The following VPS9D1 variants were observed in gnomAD, a reference collection of about 807,000 sequenced individuals.
VPS9D1 encodes VPS9 domain containing 1, also known as VPS9 domain-containing protein 1.
In VPS9D1, 78 loss-of-function variants were observed where a neutral mutation model predicts 75.8. The observed-to-expected ratio is 1.03, with a 90% CI of 0.86 to 1.24. The LOEUF (loss-of-function observed/expected upper bound fraction) is 1.24, where lower values mean the gene tolerates loss of function less well. Ranked by LOEUF, VPS9D1 falls within the 50% of genes most tolerant of loss-of-function variation. VPS9D1 has a pLI of 0.00. For synonymous variants in VPS9D1, 481 were observed against 385.6 expected (o/e 1.25, Z -2.90); for missense variants, 1,057 against 847.7 (o/e 1.25, Z -3.07).
intron 4 of VPS9D1, among the ~76,000 whole-genome samples, chr16:89,715,171 T>A (rs185302562): frequency 1.1e-3 from 174 of 152,268 alleles, no homozygotes; most frequent in African/African-American, 3.8e-3. Flanking sequence ...CAGTTTTGTA[T>A]GTATGGATTT....
chr16:89,711,475 C>T (rs1340162754), intron 8 of VPS9D1, 63 bp from the exon 9 acceptor site: 2 of 1,477,204 alleles, frequency 1.4e-6, no homozygotes, highest in Non-Finnish European at 1.8e-6. Context: ...CGCGCCTCAT[C>T]TCCCACCAGT....
chr16:89,711,532 C>G, intron 8 of VPS9D1, 120 bp from the exon 9 acceptor site: 1 of 1,015,808 alleles, frequency 9.8e-7, no homozygotes, highest in Admixed American at 2.8e-5. Context: ...TGCAGGAGAC[C>G]CAGCGCCAGC....
At chr16:89,709,694 T>G (rs1047114050) in intron 11 of VPS9D1, 83 bp downstream of exon 11, 1 of 1,594,538 alleles carries the variant, frequency 6.3e-7, no homozygotes, top group African/African-American at 1.3e-5. Context: ...GAGCAGACAG[T>G]GCCAGGGAGC....
Position 89,709,353 on chromosome 16 carries a change from G to A in VPS9D1, c.1471C>T (p.Pro491Ser). 6.3e-7 allele frequency: 1 copy of A among 1,584,362 alleles called. No homozygotes were observed. The highest frequency in any genetic ancestry group is 8.6e-7 in the Non-Finnish European group (1 of 1,168,292). The change falls in exon 12 of 15, where the codon CCC becomes TCC. Residue 491 changes from proline to serine, a missense_variant. Transcript: ENST00000389386. ...RNAPPTAIGIPTKLLPQNPEA... is the reference protein window; with the variant it reads ...RNAPPTAIGISTKLLPQNPEA... ...GGGTTCTGGGGGAGGAGCTTGGTGGGGATGCCAATGGCGGTGGGGGGTGCA... is the reference window on the plus strand; with the variant it reads ...GGGTTCTGGGGGAGGAGCTTGGTGGAGATGCCAATGGCGGTGGGGGGTGCA...
chr16:89,711,038 G>A lies in VPS9D1; in HGVS notation c.834-28C>T, dbSNP rs1003169667. The A allele has an allele frequency of 2.8e-6, 4 of 1,432,212 alleles. No homozygotes were observed. The South Asian group carries it at 4.4e-5, about 16-fold the overall frequency. The allele number at this position is 1,432,212 out of a possible 1,614,324, so 88.7% of individuals were successfully genotyped here. A position where few individuals can be genotyped will look rare whatever the true frequency, so the allele number is the denominator to read the frequency against. ...GCGGGAGAAGAGGACGTGAGAACGC[G>A]GCCAGCCTCGGCCTCTCCGTGGCAT... On this transcript the variant is annotated intron_variant, in intron 9 of 14. Coordinates refer to ENST00000389386, the MANE Select transcript of VPS9D1 (RefSeq NM_004913.3).
At chr16:89,720,328 G>A (rs1265370495) in intron 1 of VPS9D1, 32 of 850,852 alleles carry the variant, frequency 3.8e-5, no homozygotes, top group South Asian at 5.4e-5. Flanking sequence ...TTCCTAAGAC[G>A]ACTGCAAACA....
At chr16:89,708,711 G>T in intron 13 of VPS9D1, 146 bp downstream of exon 13, 6 of 1,110,344 alleles carry the variant, frequency 5.4e-6, no homozygotes, top group Non-Finnish European at 7.6e-6. Flanking sequence ...GTACTGCGGA[G>T]CCAGGGCTGG....
At chr16:89,714,454 C>A (rs1274889266) in intron 4 of VPS9D1, among the ~76,000 whole-genome samples, 2 of 152,226 alleles carry the variant, frequency 1.3e-5, no homozygotes, top group Admixed American at 6.5e-5. Context: ...GCCACTCCAC[C>A]TTGAAAGCTT....
At position 89,709,909 on chromosome 16, in the gene VPS9D1, G is replaced by T; in HGVS notation, c.1259-3C>A. The T allele has an allele frequency of 6.2e-7, 1 of 1,605,100 alleles. No homozygotes were observed. Among genetic ancestry groups the T allele is most frequent in the Non-Finnish European group, 8.5e-7 (1 of 1,175,286 alleles). On this transcript the variant is annotated splice_region_variant and splice_polypyrimidine_tract_variant and intron_variant, in intron 10 of 14. Transcript: ENST00000389386. Reference sequence around the variant, plus strand: ...AAGGGTCAGCGAGAGCAGCCTGTCTGCTAGGAACAGAGCCGGGGACGTCCA... The same window carrying T: ...AAGGGTCAGCGAGAGCAGCCTGTCTTCTAGGAACAGAGCCGGGGACGTCCA...
At chr16:89,716,326 G>C in intron 4 of VPS9D1, 136 bp downstream of exon 4, 1 of 1,307,006 alleles carries the variant, frequency 7.7e-7, no homozygotes, top group South Asian at 1.3e-5. Context: ...AGATTGAGCC[G>C]CTGCACTCCA....
chr16:89,708,078 T>C (rs955273770), intron 14 of VPS9D1, 124 bp from the exon 15 acceptor site: 5 of 922,680 alleles, frequency 5.4e-6, no homozygotes, highest in African/African-American at 4.9e-5. Flanking sequence ...CAGGTGGGGC[T>C]GTCAGGGCGG....
rs1177699582 is a variant in VPS9D1, at chr16:89,707,581, C to T, written c.*280G>A. On this transcript the variant is annotated 3_prime_UTR_variant, in exon 15 of 15. Coordinates refer to ENST00000389386, the MANE Select transcript of VPS9D1 (RefSeq NM_004913.3). ...GAAGCCCAAAGCTTCCCTTCTTGGCCTCTCTGAGGCCTACACAGGAGAGCA... is the reference window on the plus strand; with the variant it reads ...GAAGCCCAAAGCTTCCCTTCTTGGCTTCTCTGAGGCCTACACAGGAGAGCA... 2.7e-6 allele frequency: 1 copy of T among 375,758 alleles called. No homozygotes were observed. The highest frequency in any genetic ancestry group is 4.9e-5 in the East Asian group (1 of 20,264). The allele number at this position is 375,758 out of a possible 1,614,324, so 23.3% of individuals were successfully genotyped here.
chr16:89,711,711 C>G, intron 8 of VPS9D1, 171 bp downstream of exon 8: 2 of 844,790 alleles, frequency 2.4e-6, no homozygotes, highest in Non-Finnish European at 1.8e-6. Flanking sequence ...CCGCCCCACG[C>G]AGCCCTGGCC....
At position 89,709,327 on chromosome 16, in the gene VPS9D1, A is replaced by T; in HGVS notation, c.1497T>A (p.Pro499=). Residue 499 remains proline (P), a synonymous_variant, in exon 12 of 15, where the codon CCT becomes CCA. Transcript: ENST00000389386. Reference sequence around the variant, plus strand: ...GGTAGCCAGTGGCCCCCTTGGCCTCAGGGTTCTGGGGGAGGAGCTTGGTGG... The same window carrying T: ...GGTAGCCAGTGGCCCCCTTGGCCTCTGGGTTCTGGGGGAGGAGCTTGGTGG... The part of the protein sequence containing the change: ...GIPTKLLPQN[P]EAKGATGYPY... 2.5e-6 allele frequency: 4 copies of T among 1,602,234 alleles called. No homozygotes were observed. The highest frequency in any genetic ancestry group is 3.4e-6 in the Non-Finnish European group (4 of 1,176,154).
At chr16:89,708,141 G>A (rs577179654) in intron 14 of VPS9D1, among the ~76,000 whole-genome samples, 187 bp from the exon 15 acceptor site, 1 of 152,352 alleles carries the variant, frequency 6.6e-6, no homozygotes, top group East Asian at 1.9e-4. Context: ...TTGGACGGTA[G>A]AGCCAGGGAT....
intron 8 of VPS9D1, 188 bp downstream of exon 8, chr16:89,711,694 C>T: frequency 2.6e-6 from 2 of 776,316 alleles, no homozygotes; most frequent in South Asian, 1.9e-5. Context: ...CGCCTCCTCG[C>T]TCTGCCCCGC....
At chr16:89,710,457 G>A in intron 10 of VPS9D1, 129 bp downstream of exon 10, 2 of 1,025,196 alleles carry the variant, frequency 2.0e-6, no homozygotes, top group Non-Finnish European at 1.4e-6. Context: ...GCTGAGGCGT[G>A]AGCTGGGTGG....
At chr16:89,711,205 G>A (rs1031468844) in intron 9 of VPS9D1, 122 bp downstream of exon 9, 7 of 1,228,912 alleles carry the variant, frequency 5.7e-6, no homozygotes, top group Non-Finnish European at 8.0e-6. Context: ...GGGAGCTGCA[G>A]TGTCCACGTG....
intron 12 of VPS9D1, 69 bp from the exon 13 acceptor site, chr16:89,709,025 G>GGGGGGGGGCCCCC: frequency 1.6e-6 from 1 of 627,172 alleles, no homozygotes; most frequent in Non-Finnish European, 2.0e-6. Flanking sequence ...CTTATACCCC[G>GGGGGGGGGCCCCC]CCCACCCACC....
Sources: allele counts gnomAD v4.1 joint callset (sites outside exome capture counted in the v4.1 genomes callset), GRCh38; gene constraint gnomAD v4.1.1; transcripts MANE v1.5; gene names NCBI Gene and HGNC (gene_info 2026-07-23, HGNC 2026-07-21).